Variants in AGMO observed in about 807,000 individuals in gnomAD.
AGMO encodes the protein alkylglycerol monooxygenase.
In AGMO, 75 loss-of-function variants were observed where a neutral mutation model predicts 60.2. The observed-to-expected ratio is 1.25, with a 90% CI of 1.03 to 1.51. The LOEUF is 1.51. Ranked by LOEUF, AGMO falls within the 40% of genes most tolerant of loss-of-function variation. The probability of loss-of-function intolerance (pLI) is 0.00; values close to 1 mark genes in which losing one functional copy is unlikely to be tolerated. For missense variants in AGMO, 763 were observed against 525.5 expected, an observed-to-expected ratio of 1.45 and a Z score of -4.42; for synonymous variants, 261 against 177.1, an observed-to-expected ratio of 1.47 and a Z score of -3.76.
intron 5 of AGMO, among the ~76,000 whole-genome samples, chr7:15,394,979 G>C (rs1784312140): frequency 6.6e-6 from 1 of 152,084 alleles, no homozygotes; most frequent in African/African-American, 2.4e-5. Context: ...AAAAATCATA[G>C]AAACCAGGTA....
At chr7:15,411,780 A>T (rs75235294) in intron 5 of AGMO, among the ~76,000 whole-genome samples, 14,622 of 152,166 alleles carry the variant, frequency 0.096, 840 homozygotes, top group South Asian at 0.15. Context: ...TACTTAAAAT[A>T]CATATCACAA....
At chr7:15,550,853 A>G (rs1784934007) in intron 2 of AGMO, among the ~76,000 whole-genome samples, 1 of 141,414 alleles carries the variant, frequency 7.1e-6, no homozygotes. Flanking sequence ...AGCCAGGCAG[A>G]GACACAACCA....
At chr7:15,368,870 C>CA (rs767103786) in intron 10 of AGMO, among the ~76,000 whole-genome samples, 1 of 152,138 alleles carries the variant, frequency 6.6e-6, no homozygotes, top group Non-Finnish European at 1.5e-5. Context: ...CTACTGGACT[C>CA]AGAGTGGAAA....
At chr7:15,449,332 TTCTCTCTC>T (rs71004379) in intron 3 of AGMO, among the ~76,000 whole-genome samples, 88,836 of 149,690 alleles carry the variant, frequency 0.59, 26,570 homozygotes, top group Non-Finnish European at 0.65. Flanking sequence ...GTGCTTCTCT[TTCTCTCTC>T]TCTCTCTCTC....
intron 12 of AGMO, among the ~76,000 whole-genome samples, chr7:15,311,313 C>T (rs2128531982): frequency 6.6e-6 from 1 of 152,184 alleles, no homozygotes; most frequent in South Asian, 2.1e-4. Context: ...GTAGAGGTGA[C>T]ATTTTTGACA....
the AGMO span, among the ~76,000 whole-genome samples, chr7:15,123,764 T>TTTTTTTC: frequency 6.6e-6 from 1 of 152,072 alleles, no homozygotes; most frequent in African/African-American, 2.4e-5. Flanking sequence ...AATTAGCTAT[T>TTTTTTTC]ATCAATTTCT....
At chr7:15,301,982 G>C (rs1780450502) in intron 12 of AGMO, among the ~76,000 whole-genome samples, 1 of 152,108 alleles carries the variant, frequency 6.6e-6, no homozygotes, top group African/African-American at 2.4e-5. Context: ...TAAGTAAAGA[G>C]AGCTCCTCAA....
At chr7:15,317,975 C>T (rs1332919376) in intron 12 of AGMO, among the ~76,000 whole-genome samples, 1 of 146,764 alleles carries the variant, frequency 6.8e-6, no homozygotes, top group Non-Finnish European at 1.5e-5. Context: ...TATACACACA[C>T]ACGTATATAT....
At chr7:15,272,416 G>A (rs553539556) in intron 12 of AGMO, among the ~76,000 whole-genome samples, 8 of 151,742 alleles carry the variant, frequency 5.3e-5, no homozygotes, top group Non-Finnish European at 8.8e-5. Flanking sequence ...TCCTGAGAAA[G>A]ATAGTTTCCA....
chr7:15,298,564 G>A (rs748285662), intron 12 of AGMO, among the ~76,000 whole-genome samples: 9 of 151,994 alleles, frequency 5.9e-5, no homozygotes, highest in Non-Finnish European at 1.2e-4. Flanking sequence ...AACATGCTCA[G>A]ATTATTTGTG....
chr7:15,370,318 G>A (rs1439855112), intron 10 of AGMO, among the ~76,000 whole-genome samples: 11 of 152,136 alleles, frequency 7.2e-5, no homozygotes, highest in Non-Finnish European at 1.5e-4. Flanking sequence ...GGGCACCTAG[G>A]TTGCTTCCAT....
chr7:15,401,095 A>T (rs967325281), intron 5 of AGMO, among the ~76,000 whole-genome samples: 1 of 152,006 alleles, frequency 6.6e-6, no homozygotes, highest in Non-Finnish European at 1.5e-5. Flanking sequence ...TCTGATCACA[A>T]TTTTTTTCAT....
intron 12 of AGMO, among the ~76,000 whole-genome samples, chr7:15,359,788 G>T (rs1026710674): frequency 6.6e-6 from 1 of 152,118 alleles, no homozygotes; most frequent in African/African-American, 2.4e-5. Flanking sequence ...CTGCAATCAT[G>T]ACTAATTTGT....
At chr7:15,491,718 G>A (rs1007643918) in intron 3 of AGMO, among the ~76,000 whole-genome samples, 5 of 152,226 alleles carry the variant, frequency 3.3e-5, no homozygotes, top group South Asian at 2.1e-4. Flanking sequence ...TCACTCTTTC[G>A]CATTTGTGAG....
intron 3 of AGMO, among the ~76,000 whole-genome samples, chr7:15,481,157 A>T (rs766385032): frequency 5.3e-5 from 8 of 152,272 alleles, no homozygotes; most frequent in Admixed American, 1.3e-4. Context: ...TTCAAAAATA[A>T]ATGGTGGCAT....
chr7:15,219,568 G>T (rs1198545013), intron 12 of AGMO, among the ~76,000 whole-genome samples: 1 of 152,084 alleles, frequency 6.6e-6, no homozygotes, highest in Non-Finnish European at 1.5e-5. Flanking sequence ...GAGTAAAGAA[G>T]GATAAGGCTT....
chr7:15,431,362 T>C (rs1296304396), intron 3 of AGMO, among the ~76,000 whole-genome samples: 2 of 151,848 alleles, frequency 1.3e-5, no homozygotes, highest in Non-Finnish European at 2.9e-5. Flanking sequence ...ATTAAATGCC[T>C]CCAACAAACT....
intron 3 of AGMO, among the ~76,000 whole-genome samples, chr7:15,446,768 C>T (rs1033957740): frequency 1.3e-5 from 2 of 152,110 alleles, no homozygotes; most frequent in Non-Finnish European, 2.9e-5. Context: ...TTAGATAATG[C>T]CTCGTTTGTT....
the AGMO span, among the ~76,000 whole-genome samples, chr7:15,166,513 C>T: frequency 2.0e-5 from 3 of 152,140 alleles, no homozygotes; most frequent in Non-Finnish European, 4.4e-5. Flanking sequence ...TTATTCTCAG[C>T]AAAATGCTGA....
Sources: allele counts gnomAD v4.1 joint callset (sites outside exome capture counted in the v4.1 genomes callset), GRCh38; gene constraint gnomAD v4.1.1; transcripts MANE v1.5; gene names NCBI Gene and HGNC (gene_info 2026-07-23, HGNC 2026-07-21).